Variants in NHS observed in about 807,000 individuals in gnomAD.
NHS encodes the protein actin remodeling regulator NHS.
NHS carries 5 observed loss-of-function variants against 72.5 expected under a neutral mutation model. The observed-to-expected ratio is 0.07, with a 90% confidence interval of 0.04 to 0.14. The LOEUF (loss-of-function observed/expected upper bound fraction) is 0.14, where lower values mean the gene tolerates loss of function less well. Ranked by LOEUF, NHS falls within the 10% of genes least tolerant of loss-of-function variation. NHS has a pLI of 1.00. For synonymous variants in NHS, 464 were observed against 547.7 expected, an observed-to-expected ratio of 0.85 and a Z score of 2.13; for missense variants, 1,072 against 1,355.7, an observed-to-expected ratio of 0.79 and a Z score of 3.29.
At chrX:17,696,221 C>T (rs772165926) in intron 3 of NHS, among the ~76,000 whole-genome samples, 1 of 111,889 alleles carries the variant, frequency 8.9e-6, no homozygotes, top group African/African-American at 3.2e-5. Context: ...TTCCCAAGGG[C>T]AATATGAAAG....
chrX:17,492,384 G>A (rs1362245208), intron 1 of NHS, among the ~76,000 whole-genome samples: 1 of 111,715 alleles, frequency 9.0e-6, no homozygotes, highest in Non-Finnish European at 1.9e-5. Context: ...CCTTAATTTC[G>A]TTATTTACCT....
intron 1 of NHS, among the ~76,000 whole-genome samples, chrX:17,565,272 C>T (rs2065437478): frequency 3.6e-5 from 4 of 111,745 alleles, no homozygotes; most frequent in Admixed American, 1.9e-4. Flanking sequence ...GCACCACTAA[C>T]CAGGCGTGTA....
intron 1 of NHS, among the ~76,000 whole-genome samples, chrX:17,646,899 T>C (rs2065908220): frequency 8.9e-6 from 1 of 112,211 alleles, no homozygotes; most frequent in Non-Finnish European, 1.9e-5. Flanking sequence ...TACGAAACCT[T>C]GCAAGAGTAG....
intron 1 of NHS, among the ~76,000 whole-genome samples, chrX:17,525,221 G>A (rs964599230): frequency 3.6e-5 from 4 of 112,266 alleles, no homozygotes; most frequent in Non-Finnish European, 7.5e-5. Context: ...ATTTATTTTT[G>A]TGGCATCTGC....
At chrX:17,617,243 G>A (rs766445124) in intron 1 of NHS, among the ~76,000 whole-genome samples, 4 of 111,830 alleles carry the variant, frequency 3.6e-5, no homozygotes, top group Non-Finnish European at 7.5e-5. Context: ...CAACCACACT[G>A]ATCTGTGCTT....
intron 1 of NHS, among the ~76,000 whole-genome samples, chrX:17,433,042 T>C (rs1438569115): frequency 1.8e-5 from 2 of 110,044 alleles, no homozygotes; most frequent in African/African-American, 3.3e-5. Context: ...TCCCCCTTTT[T>C]TTTTTGAGAC....
At chrX:17,429,743 T>G (rs2064678692) in intron 1 of NHS, among the ~76,000 whole-genome samples, 1 of 111,551 alleles carries the variant, frequency 9.0e-6, no homozygotes, top group South Asian at 3.8e-4. Context: ...ACTCTGATCC[T>G]AGGGTCAGGT....
chrX:17,706,125 G>A (rs1254129306), intron 3 of NHS, among the ~76,000 whole-genome samples: 1 of 111,138 alleles, frequency 9.0e-6, no homozygotes, highest in Non-Finnish European at 1.9e-5. Flanking sequence ...CTGGGAGGTC[G>A]AGGCTACAGT....
intron 1 of NHS, among the ~76,000 whole-genome samples, chrX:17,606,422 G>A (rs1043606598): frequency 8.9e-6 from 1 of 111,902 alleles, no homozygotes; most frequent in African/African-American, 3.3e-5. Flanking sequence ...TGCTGGGGCC[G>A]ACGTGACATG....
intron 1 of NHS, among the ~76,000 whole-genome samples, chrX:17,555,650 C>A (rs1406250369): frequency 1.8e-5 from 2 of 112,045 alleles, no homozygotes; most frequent in African/African-American, 6.5e-5. Flanking sequence ...TCTACCTTTC[C>A]TTTTGAGCCT....
At chrX:17,610,217 C>T (rs1226733734) in intron 1 of NHS, among the ~76,000 whole-genome samples, 1 of 111,516 alleles carries the variant, frequency 9.0e-6, no homozygotes, top group Admixed American at 9.5e-5. Flanking sequence ...CTTGAAGTCT[C>T]CATTGCATAG....
chrX:17,717,482 G>A (rs2066371297), intron 3 of NHS, among the ~76,000 whole-genome samples: 1 of 112,494 alleles, frequency 8.9e-6, no homozygotes, highest in Non-Finnish European at 1.9e-5. Flanking sequence ...CATGCTGTAG[G>A]ATAAGTGCTA....
At chrX:17,405,549 G>A (rs758591186) in intron 1 of NHS, among the ~76,000 whole-genome samples, 23 of 112,485 alleles carry the variant, frequency 2.0e-4, no homozygotes, top group African/African-American at 6.8e-4. Flanking sequence ...ATGATAGAGA[G>A]AAGAGTAGTG....
At chrX:17,489,428 T>C (rs2064980728) in intron 1 of NHS, among the ~76,000 whole-genome samples, 2 of 112,467 alleles carry the variant, frequency 1.8e-5, no homozygotes, top group South Asian at 7.4e-4. Flanking sequence ...AGTGTTCCTA[T>C]TTCTCCACAT....
chrX:17,451,558 G>C (rs1472871374), intron 1 of NHS, among the ~76,000 whole-genome samples: 1 of 112,145 alleles, frequency 8.9e-6, no homozygotes, highest in Non-Finnish European at 1.9e-5. Flanking sequence ...TACAAACAGG[G>C]AAATTGAGGT....
At chrX:17,560,276 T>G (rs771763868) in intron 1 of NHS, among the ~76,000 whole-genome samples, 1 of 112,276 alleles carries the variant, frequency 8.9e-6, no homozygotes, top group African/African-American at 3.2e-5. Context: ...TCACGTTGAT[T>G]CATGGTAGTG....
At chrX:17,710,215 T>C (rs967661333) in intron 3 of NHS, among the ~76,000 whole-genome samples, 3 of 112,609 alleles carry the variant, frequency 2.7e-5, no homozygotes, top group Non-Finnish European at 5.6e-5. Context: ...CAATAGCTAA[T>C]GAAAACATTA....
intron 1 of NHS, among the ~76,000 whole-genome samples, chrX:17,525,638 C>CT (rs1162709869): frequency 0.05 from 2,630 of 53,024 alleles, 91 homozygotes; most frequent in East Asian, 0.11. Flanking sequence ...TCTTTCTTTT[C>CT]TTTTTTTTTT....
intron 1 of NHS, among the ~76,000 whole-genome samples, chrX:17,522,850 C>T (rs2065156969): frequency 9.0e-6 from 1 of 111,624 alleles, no homozygotes; most frequent in Admixed American, 9.5e-5. Flanking sequence ...AGGCCACCTT[C>T]AGTAACTGCA....
Sources: allele counts gnomAD v4.1 joint callset (sites outside exome capture counted in the v4.1 genomes callset), GRCh38; gene constraint gnomAD v4.1.1; transcripts MANE v1.5; gene names NCBI Gene and HGNC (gene_info 2026-07-23, HGNC 2026-07-21).